Variants in GAREM2 observed in about 807,000 individuals in gnomAD.
GAREM2 encodes GRB2-associated and regulator of MAPK protein 2.
A neutral mutation model predicts 55.6 loss-of-function variants in GAREM2; 30 were observed. The observed-to-expected ratio is 0.54, with a 90% CI of 0.40 to 0.73. GAREM2 has a LOEUF of 0.73. Ranked by LOEUF, GAREM2 falls within the 30% of genes least tolerant of loss-of-function variation. The probability of loss-of-function intolerance (pLI) is 0.00; values close to 1 mark genes in which losing one functional copy is unlikely to be tolerated. For missense variants in GAREM2, 1,075 were observed against 1,257.7 expected, an observed-to-expected ratio of 0.85 and a Z score of 2.20; for synonymous variants, 550 against 569.1, an observed-to-expected ratio of 0.97 and a Z score of 0.48.
chr2:26,174,200 G>A lies in GAREM2; in HGVS notation c.112+868G>A, dbSNP rs1007564308. Among the ~76,000 whole-genome samples, 166 of 152,184 alleles carry A rather than the reference G, an allele frequency of 1.1e-3. 3 individuals carry two copies. The highest frequency in any genetic ancestry group is 2.4e-4 in the Non-Finnish European group (16 of 68,022). On this transcript the variant is annotated intron_variant, in intron 1 of 5. Transcript: ENST00000401533. Reference sequence around the variant, plus strand: ...GCCGCAGGCTCCTCGTCTCCCCGTGGGGCCCGGCAGCCCCTCCTCCGTGGC... The same window carrying A: ...GCCGCAGGCTCCTCGTCTCCCCGTGAGGCCCGGCAGCCCCTCCTCCGTGGC...
downstream of GAREM2, chr2:26,192,385 C>A (rs766188621): frequency 1.4e-5 from 22 of 1,608,068 alleles, no homozygotes; most frequent in Admixed American, 3.7e-4. Context: ...CCTCTTCACA[C>A]CCTCCTGATA....
chr2:26,184,868 G>T lies in GAREM2; in HGVS notation c.1020G>T (p.Leu340=). 1 of 1,466,008 alleles carries T rather than the reference G, an allele frequency of 6.8e-7. No homozygotes were observed. Among genetic ancestry groups the T allele is most frequent in the Non-Finnish European group, 8.9e-7 (1 of 1,117,926 alleles). 90.8% of individuals were successfully genotyped at this position (1,466,008 alleles called of 1,614,324 possible). A position where few individuals can be genotyped will look rare whatever the true frequency, so the allele number is the denominator to read the frequency against. The change falls in exon 4 of 6, where the codon CTG becomes CTT. Residue 340 remains leucine, a synonymous_variant. Transcript: ENST00000401533. ...LLAGDPRVER[L]VRDSASYCRE... ...CCGGGGACCCGCGCGTCGAGCGCCT[G>T]GTGCGCGACAGCGCCTCCTACTGCC...
In GAREM2 at chr2:26,189,233, TC is replaced by T. The variant is rs1387598987; in HGVS notation, c.*978del. On this transcript the variant is annotated 3_prime_UTR_variant, in exon 6 of 6. Coordinates refer to ENST00000401533, the MANE Select transcript of GAREM2 (RefSeq NM_001168241.2). ...GGAGGGTACAGTTGGGAGAGTGCGT[TC>T]CTGGAGCTCAGTCCTGCATTTGTTC... 1 of 152,242 alleles carries T rather than the reference TC, an allele frequency of 6.6e-6. No individual in the cohort carries two copies. Among genetic ancestry groups the T allele is most frequent in the Non-Finnish European group, 1.5e-5 (1 of 68,064 alleles). The allele number at this position is 152,242 out of a possible 1,614,324, so 9.4% of individuals were successfully genotyped here. A position where few individuals can be genotyped will look rare whatever the true frequency, so the allele number is the denominator to read the frequency against.
chr2:26,173,395 G>A, intron 1 of GAREM2, 63 bp downstream of exon 1: 1 of 927,952 alleles, frequency 1.1e-6, no homozygotes, highest in Non-Finnish European at 1.4e-6. Flanking sequence ...CTCCAGCCAG[G>A]GGCCAGAGGG....
rs1669376164 is a variant in GAREM2 at position 26,188,581 on chromosome 2, C to T, written c.*324C>T. ...CCTTCAGGGTGACCTAACACCACCT[C>T]ATGCCCTGCTATAGACCTTCACAAA... On this transcript the variant is annotated 3_prime_UTR_variant, in exon 6 of 6. Coordinates refer to ENST00000401533, the MANE Select transcript of GAREM2 (RefSeq NM_001168241.2). 3 of 267,810 alleles carry T rather than the reference C, an allele frequency of 1.1e-5. No individual in the cohort carries two copies. The highest frequency in any genetic ancestry group is 1.6e-4 in the South Asian group (1 of 6,088). 16.6% of individuals were successfully genotyped at this position (267,810 alleles called of 1,614,324 possible).
In GAREM2 at chr2:26,179,686, G is replaced by A. The variant is rs1055030585; in HGVS notation, c.253+3202G>A. 1.3e-5 allele frequency among the ~76,000 whole-genome samples: 2 copies of A among 152,146 alleles called. No individual in the cohort carries two copies. Among genetic ancestry groups the A allele is most frequent in the Admixed American group, 1.3e-4 (2 of 15,280 alleles). On this transcript the variant is annotated intron_variant, in intron 2 of 5. Transcript: ENST00000401533. The surrounding 1 kb of genome is among the most constrained non-coding windows in gnomAD (Gnocchi z 4.7). The stretch of plus-strand genomic sequence containing the variant: ...AAGCCGCCCCTGGGCTGGCGGGGAG[G>A]AAAAGGCTTCCAGGGTCCAGAGCAT...
chr2:26,178,957 G>GT (rs1461757744), intron 2 of GAREM2, among the ~76,000 whole-genome samples: 1 of 133,606 alleles, frequency 7.5e-6, no homozygotes, highest in East Asian at 2.4e-4. Flanking sequence ...GAGGCGCTGA[G>GT]TGCACGGCTG....
At chr2:26,183,343 T>TCCCTA in intron 3 of GAREM2, among the ~76,000 whole-genome samples, 1 of 152,198 alleles carries the variant, frequency 6.6e-6, no homozygotes, top group Non-Finnish European at 1.5e-5. Context: ...TGTTCTGACT[T>TCCCTA]GGAGACTTTT....
chr2:26,193,516 C>T (rs1225397307), downstream of GAREM2: 22 of 1,372,436 alleles, frequency 1.6e-5, no homozygotes, highest in East Asian at 4.8e-4. Context: ...TCTTTGGTCT[C>T]AGGAACTGCT....
At chr2:26,191,356 A>G (rs143434901), downstream of GAREM2, 7 of 1,614,052 alleles carry the variant, frequency 4.3e-6, no homozygotes, top group African/African-American at 9.3e-5. Flanking sequence ...CCGGTCCACT[A>G]TCTTCTGGGC....
chr2:26,184,888 A>G lies in GAREM2; in HGVS notation c.1040A>G (p.Tyr347Cys). 6.9e-7 allele frequency: 1 copy of G among 1,458,946 alleles called. No individual in the cohort carries two copies. The highest frequency in any genetic ancestry group is 9.0e-7 in the Non-Finnish European group (1 of 1,114,796). The allele number at this position is 1,458,946 out of a possible 1,614,324, so 90.4% of individuals were successfully genotyped here. A position where few individuals can be genotyped will look rare whatever the true frequency, so the allele number is the denominator to read the frequency against. Residue 347 changes from tyrosine (Y) to cysteine (C), a missense_variant, in exon 4 of 6, where the codon TAC (tyrosine) becomes TGC (cysteine). This residue lies in a region of GAREM2 where 170 missense variants were observed against 220.7 expected (regional missense o/e 0.77). Transcript: ENST00000401533. The part of the protein sequence containing the change: ...VERLVRDSAS[Y>C]CRERFDPDEY... ...CGCCTGGTGCGCGACAGCGCCTCCT[A>G]CTGCCGCGAGCGCTTCGACCCCGAC...
intron 2 of GAREM2, among the ~76,000 whole-genome samples, chr2:26,178,575 C>G (rs1668938324): frequency 6.6e-6 from 1 of 151,850 alleles, no homozygotes; most frequent in Non-Finnish European, 1.5e-5. Flanking sequence ...GGAGACAGAG[C>G]AAGATGGTGT....
chr2:26,198,798 C>T, the GAREM2 span, among the ~76,000 whole-genome samples: 2 of 151,860 alleles, frequency 1.3e-5, no homozygotes, highest in African/African-American at 2.4e-5. Context: ...AACTATAATC[C>T]CAACACTTCA....
intron 2 of GAREM2, among the ~76,000 whole-genome samples, chr2:26,177,502 G>A (rs570473851): frequency 2.0e-5 from 3 of 152,266 alleles, no homozygotes; most frequent in South Asian, 2.1e-4. Flanking sequence ...CCAGTGCCAT[G>A]TTTTTTATTT....
rs571546494 is a variant in GAREM2 at position 26,187,433 on chromosome 2, G to A, written c.1801G>A (p.Ala601Thr). The stretch of plus-strand genomic sequence containing the variant: ...CGGTCGAGCCGCCTCCCTTCTGGGG[G>A]CTGACACCCCTGTTAAGACCTACCA... ...LSGRAASLLG[A>T]DTPVKTYHSC... The change falls in exon 6 of 6, where the codon GCT (alanine) becomes ACT (threonine). Residue 601 changes from alanine to threonine, a missense_variant. By Grantham distance (58) the Ala-to-Thr change is moderately conservative. Transcript: ENST00000401533. 1.3e-5 allele frequency: 20 copies of A among 1,547,706 alleles called. No individual in the cohort carries two copies. In the East Asian group the frequency reaches 3.9e-4, roughly 30 times the overall value.
rs924547437 is a variant in GAREM2, at chr2:26,179,974, A to T, written c.254-2993A>T. ...TGGGGGAGGAGGCGGGAGTGAGGGG[A>T]GGAGGCTACTCAGTGCCTGCAGTTC... On this transcript the variant is annotated intron_variant, in intron 2 of 5. Transcript: ENST00000401533. This position sits in a 1 kb window ranked among gnomAD's most constrained non-coding sequence, Gnocchi z 4.7. Among the ~76,000 whole-genome samples the T allele has an allele frequency of 2.0e-5, 3 of 151,416 alleles. No homozygotes were observed. The highest frequency in any genetic ancestry group is 4.4e-5 in the Non-Finnish European group (3 of 67,804).
At position 26,184,937 on chromosome 2, in the gene GAREM2, GGCGCCAGCGGAGCTCGCCGAAGACT is replaced by G; in HGVS notation, c.1098_1122del (p.Glu367ArgfsTer23). The stretch of plus-strand genomic sequence containing the variant: ...ACGAGTACTCCACGGCCGTGCGCGA[GGCGCCAGCGGAGCTCGCCGAAGACT>G]GCGCCAGCCCGCGCCGCGCGCGCCT... On this transcript the variant is annotated frameshift_variant, in exon 4 of 6. Coordinates refer to ENST00000401533, the MANE Select transcript of GAREM2 (RefSeq NM_001168241.2). LOFTEE classifies it high-confidence loss of function. 1 of 1,295,118 alleles carries G rather than the reference GGCGCCAGCGGAGCTCGCCGAAGACT, an allele frequency of 7.7e-7. No homozygotes were observed. Among genetic ancestry groups the G allele is most frequent in the Non-Finnish European group, 9.8e-7 (1 of 1,023,472 alleles). The allele number at this position is 1,295,118 out of a possible 1,614,324, so 80.2% of individuals were successfully genotyped here.
downstream of GAREM2, chr2:26,193,466 C>G: frequency 1.1e-6 from 1 of 916,546 alleles, no homozygotes; most frequent in Non-Finnish European, 1.8e-6. Flanking sequence ...GATAAGGGCT[C>G]TGTGTTTAGA....
Position 26,186,279 on chromosome 2 carries a change from C to A in GAREM2, c.1519C>A (p.Pro507Thr). 1 of 1,550,868 alleles carries A rather than the reference C, an allele frequency of 6.4e-7. No homozygotes were observed. The highest frequency in any genetic ancestry group is 8.7e-7 in the Non-Finnish European group (1 of 1,146,594). ...SGRLSSSPPV[P>T]PRFPKLQPVH... ...CCGGCTCTCCAGCAGCCCCCCGGTT[C>A]CCCCTCGCTTCCCCAAGCTGCAGCC... The change falls in exon 5 of 6, where the codon CCC (proline) becomes ACC (threonine). Residue 507 changes from proline (P) to threonine (T), a missense_variant. Coordinates refer to ENST00000401533, the MANE Select transcript of GAREM2 (RefSeq NM_001168241.2).
Sources: gnomAD v4.1 joint callset for allele counts (sites outside exome capture counted in the v4.1 genomes callset) on GRCh38, gnomAD v4.1.1 for gene constraint, gnomAD v4.1.1 regional missense constraint, Gnocchi (gnomAD v3.1) non-coding constraint, MANE v1.5 for transcripts, NCBI Gene and HGNC (gene_info 2026-07-23, HGNC 2026-07-21) for gene names.